The following FRYL variants were observed in gnomAD, a reference collection of about 807,000 sequenced individuals.
FRYL encodes the protein protein furry homolog-like.
FRYL carries 150 observed loss-of-function variants against 351.2 expected under a neutral mutation model. That is an observed-to-expected ratio of 0.43 (90% CI 0.37 to 0.49). The LOEUF (loss-of-function observed/expected upper bound fraction) is 0.49. Among genes scored for constraint, FRYL ranks in the 20% least tolerant of loss-of-function variants. The pLI, the probability that FRYL is intolerant of heterozygous loss-of-function variation, is 0.00. For synonymous variants in FRYL, 1,153 were observed against 1,257.1 expected, an observed-to-expected ratio of 0.92 and a Z score of 1.75; for missense variants, 3,036 against 3,619.3, an observed-to-expected ratio of 0.84 and a Z score of 4.13.
At chr4:48,618,358 T>C (rs1258988896) in intron 7 of FRYL, 1 of 152,196 alleles carries the variant, frequency 6.6e-6, no homozygotes, top group Non-Finnish European at 1.5e-5. Flanking sequence ...TCAAGTACTT[T>C]TATACTATGA....
intron 1 of FRYL, among the ~76,000 whole-genome samples, chr4:48,751,649 C>T (rs1773259319): frequency 1.3e-5 from 2 of 151,946 alleles, no homozygotes; most frequent in East Asian, 3.9e-4. Context: ...ACACAGAAAA[C>T]TAGTGAGTTC....
intron 1 of FRYL, among the ~76,000 whole-genome samples, chr4:48,719,339 T>C (rs1434755935): frequency 6.6e-6 from 1 of 151,600 alleles, no homozygotes; most frequent in Admixed American, 6.6e-5. Context: ...CCTCCCTTCG[T>C]TTCTATGTAT....
intron 2 of FRYL, among the ~76,000 whole-genome samples, chr4:48,707,857 G>A (rs974020353): frequency 1.3e-5 from 2 of 149,364 alleles, no homozygotes; most frequent in Non-Finnish European, 3.0e-5. Context: ...GTCTTGCTCT[G>A]TCTCCCAGGC....
intron 36 of FRYL, 149 bp from the exon 37 acceptor site, chr4:48,551,727 G>A: frequency 3.6e-6 from 2 of 551,894 alleles, no homozygotes; most frequent in Middle Eastern, 2.9e-4. Flanking sequence ...ATGACCAAAA[G>A]GGAAAGGACA....
At position 48,567,455 on chromosome 4, in the gene FRYL, A is replaced by C. The variant is rs568386859; in HGVS notation, c.2997-35T>G. On this transcript the variant is annotated intron_variant, in intron 27 of 63. Coordinates refer to ENST00000358350, the MANE Select transcript of FRYL (RefSeq NM_015030.2). The surrounding 1 kb of genome is among the most constrained non-coding windows in gnomAD (Gnocchi z 4.2). Reference sequence around the variant, plus strand: ...TTGAAGAAAACAAAAGATGAAGTAAATGGGACTTTATGATTTAAATAAAAA... The same window carrying C: ...TTGAAGAAAACAAAAGATGAAGTAACTGGGACTTTATGATTTAAATAAAAA... The C allele has an allele frequency of 2.1e-6, 3 of 1,462,756 alleles. No homozygotes were observed. In the Admixed American group the frequency reaches 7.1e-5, roughly 35 times the overall value. The allele number at this position is 1,462,756 out of a possible 1,614,324, so 90.6% of individuals were successfully genotyped here.
intron 2 of FRYL, among the ~76,000 whole-genome samples, chr4:48,686,576 TTTA>T: frequency 6.6e-6 from 1 of 152,322 alleles, no homozygotes; most frequent in South Asian, 2.1e-4. Flanking sequence ...CTGGACAATA[TTTA>T]ATGAGATTTA....
chr4:48,610,406 A>T (rs1197399325), intron 7 of FRYL, among the ~76,000 whole-genome samples: 1 of 151,822 alleles, frequency 6.6e-6, no homozygotes, highest in Admixed American at 6.6e-5. Context: ...ACATATAATC[A>T]CTATTAACAA....
chr4:48,500,188 C>T lies in FRYL; in HGVS notation c.8625G>A (p.Leu2875=). ...VINMSEELAQ[L]ESILKEAESA... The stretch of plus-strand genomic sequence containing the variant: ...ACTCAGCTTCTTTGAGGATACTTTC[C>T]AGTTGGGCAAGTTCCTCTGACATGT... The change falls in exon 63 of 64, where the codon CTG becomes CTA. Residue 2875 remains leucine, a synonymous_variant. Transcript: ENST00000358350. The T allele has an allele frequency of 1.9e-6, 3 of 1,592,964 alleles. No individual in the cohort carries two copies. The highest frequency in any genetic ancestry group is 2.3e-5 in the South Asian group (2 of 85,992).
At chr4:48,748,518 T>C (rs1772914865) in intron 1 of FRYL, among the ~76,000 whole-genome samples, 1 of 152,192 alleles carries the variant, frequency 6.6e-6, no homozygotes, top group Non-Finnish European at 1.5e-5. Flanking sequence ...TCCTTCCTCC[T>C]GACTGAACAC....
At chr4:48,681,144 T>C in intron 3 of FRYL, 2 of 1,166,208 alleles carry the variant, frequency 1.7e-6, no homozygotes, top group Non-Finnish European at 2.2e-6. Flanking sequence ...TCTTCTACAT[T>C]ACTAGGCCCA....
intron 1 of FRYL, among the ~76,000 whole-genome samples, chr4:48,711,439 C>T (rs13128107): frequency 0.23 from 34,788 of 150,534 alleles, 2,155 homozygotes; most frequent in East Asian, 0.33. Context: ...GAGGGTCCTA[C>T]GACCACGGAG....
chr4:48,705,438 C>A (rs1767224785), intron 2 of FRYL, among the ~76,000 whole-genome samples: 2 of 148,994 alleles, frequency 1.3e-5, no homozygotes, highest in African/African-American at 2.5e-5. Context: ...AGTAATACAC[C>A]ACTAAGGAGT....
At chr4:48,629,566 C>T (rs1170133047) in intron 4 of FRYL, among the ~76,000 whole-genome samples, 1 of 152,108 alleles carries the variant, frequency 6.6e-6, no homozygotes, top group Non-Finnish European at 1.5e-5. Flanking sequence ...GAAAACAACT[C>T]GCTCTCTTAC....
At chr4:48,719,585 T>G (rs568384754) in intron 1 of FRYL, among the ~76,000 whole-genome samples, 1 of 151,820 alleles carries the variant, frequency 6.6e-6, no homozygotes, top group East Asian at 1.9e-4. Flanking sequence ...AAATATATTA[T>G]AAATTGACAA....
intron 1 of FRYL, among the ~76,000 whole-genome samples, chr4:48,759,264 G>A (rs1774159878): frequency 6.6e-6 from 1 of 152,036 alleles, no homozygotes; most frequent in African/African-American, 2.4e-5. Context: ...AGGCTTCTGA[G>A]GCTCAAGTGA....
chr4:48,778,867 G>A (rs1307949072), intron 1 of FRYL, among the ~76,000 whole-genome samples: 1 of 151,356 alleles, frequency 6.6e-6, no homozygotes, highest in Non-Finnish European at 1.5e-5. Flanking sequence ...AACCTGTCTT[G>A]CTGTGTCTTT....
intron 37 of FRYL, 25 bp from the exon 38 acceptor site, chr4:48,550,729 G>T: frequency 6.8e-7 from 1 of 1,461,596 alleles, no homozygotes; most frequent in Non-Finnish European, 9.6e-7. Flanking sequence ...ACTGAAGTTA[G>T]TCACAGTTCA....
At position 48,580,848 on chromosome 4, in the gene FRYL, G is replaced by A. The variant is rs1262322907; in HGVS notation, c.2259+17C>T. On this transcript the variant is annotated intron_variant, in intron 22 of 63. Transcript: ENST00000358350. ...GTCTCAAAACAAGATTGGGTAGAAT[G>A]AAGTCACTATAGTTACCTGATCAGC... 3.7e-5 allele frequency: 57 copies of A among 1,539,142 alleles called. No homozygotes were observed. Among genetic ancestry groups the A allele is most frequent in the Non-Finnish European group, 4.4e-5 (49 of 1,113,808 alleles).
intron 25 of FRYL, among the ~76,000 whole-genome samples, chr4:48,574,183 T>C (rs1739017491): frequency 4.6e-5 from 7 of 152,136 alleles, no homozygotes; most frequent in Admixed American, 4.6e-4. Context: ...TGGGAAAATC[T>C]GAAAAAACAT....
Sources: gnomAD v4.1 joint callset for allele counts (sites outside exome capture counted in the v4.1 genomes callset) on GRCh38, gnomAD v4.1.1 for gene constraint, Gnocchi (gnomAD v3.1) non-coding constraint, MANE v1.5 for transcripts, NCBI Gene and HGNC (gene_info 2026-07-23, HGNC 2026-07-21) for gene names.